The following ESR1 variants were observed in gnomAD, a reference collection of about 807,000 sequenced individuals.
ESR1 encodes the protein estrogen receptor 1.
ESR1 carries 12 observed loss-of-function variants against 52.7 expected under a neutral mutation model. The ratio of observed to expected loss-of-function variants is 0.23; its 90% CI spans 0.15 to 0.37. ESR1 has a LOEUF of 0.37. ESR1 is among the 10% of genes least tolerant of loss of function. ESR1 has a pLI of 1.00. For synonymous variants in ESR1, 305 were observed against 316.8 expected, an observed-to-expected ratio of 0.96 and a Z score of 0.39; for missense variants, 584 against 779.7, an observed-to-expected ratio of 0.75 and a Z score of 2.99.
At chr6:152,071,404 C>T (rs185463240) in intron 6 of ESR1, among the ~76,000 whole-genome samples, 2 of 152,132 alleles carry the variant, frequency 1.3e-5, no homozygotes, top group African/African-American at 2.4e-5. Flanking sequence ...GGGTTAAGAA[C>T]GAGGGACTTT....
At chr6:151,987,901 C>T (rs1400249585) in intron 4 of ESR1, among the ~76,000 whole-genome samples, 1 of 152,038 alleles carries the variant, frequency 6.6e-6, no homozygotes, top group African/African-American at 2.4e-5. Context: ...TATGTATATC[C>T]TTCCCCCAAT....
intron 4 of ESR1, among the ~76,000 whole-genome samples, chr6:151,965,388 G>C (rs2982700): frequency 0.81 from 122,874 of 152,090 alleles, 49,996 homozygotes; most frequent in Middle Eastern, 0.9. Context: ...AAATGGTAAA[G>C]AAATTTCATG....
At chr6:151,664,376 C>T (rs186622860) in intron 1 of ESR1, among the ~76,000 whole-genome samples, 1 of 152,296 alleles carries the variant, frequency 6.6e-6, no homozygotes, top group East Asian at 1.9e-4. Context: ...AGTTTATTAT[C>T]TGTGACAGAA....
chr6:151,914,644 C>T (rs1798764309), intron 3 of ESR1, among the ~76,000 whole-genome samples: 1 of 152,076 alleles, frequency 6.6e-6, no homozygotes, highest in African/African-American at 2.4e-5. Context: ...GGATTAGCTG[C>T]CTTGCTAATC....
At chr6:151,888,016 C>T (rs12176058) in intron 3 of ESR1, among the ~76,000 whole-genome samples, 2,534 of 152,178 alleles carry the variant, frequency 0.017, 69 homozygotes, top group East Asian at 0.096. Flanking sequence ...GAATTTATTT[C>T]TGGGTTCTCT....
intron 3 of ESR1, among the ~76,000 whole-genome samples, chr6:151,906,787 A>C (rs1797523910): frequency 6.7e-6 from 1 of 149,888 alleles, no homozygotes; most frequent in East Asian, 1.9e-4. Context: ...TTTTTTCTTT[A>C]TAGTTTGTGC....
intron 2 of ESR1, among the ~76,000 whole-genome samples, chr6:151,873,602 C>A (rs1292951585): frequency 6.6e-6 from 1 of 152,166 alleles, no homozygotes; most frequent in South Asian, 2.1e-4. Flanking sequence ...ACTATTTTCC[C>A]AAATGTTACA....
chr6:151,956,008 A>T (rs1240856758), intron 4 of ESR1, among the ~76,000 whole-genome samples: 1 of 152,170 alleles, frequency 6.6e-6, no homozygotes, highest in East Asian at 1.9e-4. Context: ...TTTGCTAAGG[A>T]TAATGGTCTC....
chr6:151,716,463 G>A (rs1282348695), intron 2 of ESR1, among the ~76,000 whole-genome samples: 1 of 152,210 alleles, frequency 6.6e-6, no homozygotes, highest in Non-Finnish European at 1.5e-5. Flanking sequence ...TCTGTCCCAG[G>A]GAGATGGGAG....
intron 1 of ESR1, among the ~76,000 whole-genome samples, chr6:151,663,132 T>C (rs946553266): frequency 6.6e-6 from 1 of 152,350 alleles, no homozygotes; most frequent in Admixed American, 6.5e-5. Context: ...AGCTTTCTTT[T>C]TGGTGATTAT....
chr6:151,882,792 G>A (rs552746999), intron 3 of ESR1, among the ~76,000 whole-genome samples: 2 of 151,162 alleles, frequency 1.3e-5, no homozygotes, highest in Admixed American at 1.3e-4. Context: ...ATCCAGATAC[G>A]GTCTGGCTGC....
chr6:151,681,484 G>T (rs1180450327), intron 1 of ESR1, among the ~76,000 whole-genome samples: 1 of 151,804 alleles, frequency 6.6e-6, no homozygotes, highest in African/African-American at 2.4e-5. Context: ...CTTCTCAGGC[G>T]CCTTGATCTT....
chr6:151,830,874 A>G (rs933643113), intron 1 of ESR1, among the ~76,000 whole-genome samples: 1 of 152,194 alleles, frequency 6.6e-6, no homozygotes, highest in East Asian at 1.9e-4. Context: ...TTCTTTGTGC[A>G]TAAAGAATTT....
chr6:152,093,354 T>A (rs72993664), intron 6 of ESR1, among the ~76,000 whole-genome samples: 3 of 84,328 alleles, frequency 3.6e-5, no homozygotes, highest in Non-Finnish European at 2.4e-5. Context: ...CTCTCTCTCT[T>A]TCTCTCTCTC....
intron 5 of ESR1, among the ~76,000 whole-genome samples, chr6:152,052,243 T>C (rs1289577730): frequency 6.6e-6 from 1 of 152,054 alleles, no homozygotes. Context: ...ACCAAAACAG[T>C]TGTGAGGGAT....
chr6:151,701,342 A>C (rs1440144890), intron 1 of ESR1, among the ~76,000 whole-genome samples: 3 of 151,852 alleles, frequency 2.0e-5, no homozygotes, highest in African/African-American at 7.3e-5. Flanking sequence ...CCCAGCCAAC[A>C]TGGTGAAACC....
chr6:152,097,524 G>T (rs557129654), intron 7 of ESR1, among the ~76,000 whole-genome samples: 105 of 152,156 alleles, frequency 6.9e-4, no homozygotes, highest in Non-Finnish European at 1.4e-3. Context: ...TACTAAAAAT[G>T]CAAATTTTTC....
intron 4 of ESR1, among the ~76,000 whole-genome samples, chr6:151,959,761 T>C (rs2037438614): frequency 1.3e-5 from 2 of 152,282 alleles, no homozygotes; most frequent in East Asian, 3.9e-4. Context: ...CTGAAGTTGG[T>C]TGAGCTTTGG....
intron 6 of ESR1, among the ~76,000 whole-genome samples, chr6:152,071,012 T>C (rs2048311548): frequency 1.0e-5 from 1 of 99,538 alleles, no homozygotes; most frequent in South Asian, 3.1e-4. Flanking sequence ...TGCTAAGTGG[T>C]AGAAATACAA....
Sources: gnomAD v4.1 joint callset for allele counts (sites outside exome capture counted in the v4.1 genomes callset) on GRCh38, gnomAD v4.1.1 for gene constraint, MANE v1.5 for transcripts, NCBI Gene and HGNC (gene_info 2026-07-23, HGNC 2026-07-21) for gene names.